The following PLEKHM2 variants were observed in gnomAD, a reference collection of about 807,000 sequenced individuals.
The protein encoded by PLEKHM2 is pleckstrin homology and RUN domain containing M2.
A neutral mutation model predicts 116.3 loss-of-function variants in PLEKHM2; 77 were observed. The observed-to-expected ratio is 0.66, with a 90% CI of 0.55 to 0.80. PLEKHM2 has a LOEUF of 0.80. Ranked by LOEUF, PLEKHM2 falls within the 30% of genes least tolerant of loss-of-function variation. The probability of loss-of-function intolerance (pLI) is 0.00; values close to 1 mark genes in which losing one functional copy is unlikely to be tolerated. For missense variants in PLEKHM2, 1,183 were observed against 1,354.9 expected, an observed-to-expected ratio of 0.87 and a Z score of 1.99; for synonymous variants, 562 against 571.0, an observed-to-expected ratio of 0.98 and a Z score of 0.22.
intron 1 of PLEKHM2, among the ~76,000 whole-genome samples, chr1:15,713,432 T>C (rs933393736): frequency 4.6e-5 from 7 of 152,178 alleles, no homozygotes; most frequent in African/African-American, 7.2e-5. Flanking sequence ...AATGAACAAA[T>C]GTTTTCAGAA....
At chr1:15,698,619 C>T (rs1007446403) in intron 1 of PLEKHM2, among the ~76,000 whole-genome samples, 2 of 147,556 alleles carry the variant, frequency 1.4e-5, no homozygotes, top group Non-Finnish European at 3.0e-5. Flanking sequence ...GCAATCTTGG[C>T]TCACTGTAAC....
chr1:15,726,919 G>C, intron 8 of PLEKHM2, 95 bp from the exon 9 acceptor site: 2 of 773,020 alleles, frequency 2.6e-6, no homozygotes, highest in Non-Finnish European at 4.0e-6. Flanking sequence ...GCCCTCAGAG[G>C]CTACATGGCC....
chr1:15,729,817 A>G lies in PLEKHM2; in HGVS notation c.2096A>G (p.Lys699Arg), dbSNP rs199801366. ...ALAEFFLASL[K>R]SAMIKGCREP... ...TGCAGGTTCTTTTTGGCTTCTTTGAAGTCAGCCATGATCAAAGGCTGTCGA... is the reference window on the plus strand; with the variant it reads ...TGCAGGTTCTTTTTGGCTTCTTTGAGGTCAGCCATGATCAAAGGCTGTCGA... The change falls in exon 14 of 20, where the codon AAG becomes AGG. Residue 699 changes from lysine (K) to arginine (R), a missense_variant. Coordinates refer to ENST00000375799, the MANE Select transcript of PLEKHM2 (RefSeq NM_015164.4). This position sits in a 1 kb window ranked among gnomAD's most constrained non-coding sequence, Gnocchi z 4.7. 1.2e-5 allele frequency: 19 copies of G among 1,612,686 alleles called. No homozygotes were observed. In the East Asian group the frequency reaches 4.2e-4, roughly 36 times the overall value.
intron 8 of PLEKHM2, among the ~76,000 whole-genome samples, chr1:15,726,136 T>C (rs2068061450): frequency 6.6e-6 from 1 of 152,214 alleles, no homozygotes; most frequent in South Asian, 2.1e-4. Flanking sequence ...CCAGGGCGTT[T>C]GCTGGGTCTG....
chr1:15,725,902 C>T (rs2068058489), intron 8 of PLEKHM2: 2 of 295,476 alleles, frequency 6.8e-6, no homozygotes, highest in South Asian at 4.3e-5. Context: ...GGAGAGAGAG[C>T]TCTCTAGGGT....
chr1:15,683,469 G>C (rs796392451), upstream of PLEKHM2, among the ~76,000 whole-genome samples: 13 of 152,058 alleles, frequency 8.5e-5, no homozygotes, highest in African/African-American at 3.1e-4. Flanking sequence ...CCCAGGGTCT[G>C]TGGGTGTCTC....
chr1:15,686,794 G>A (rs1179178785), intron 1 of PLEKHM2, among the ~76,000 whole-genome samples: 1 of 151,316 alleles, frequency 6.6e-6, no homozygotes, highest in African/African-American at 2.4e-5. Context: ...GACTATAAGC[G>A]CCGGCCACCA....
intron 1 of PLEKHM2, among the ~76,000 whole-genome samples, chr1:15,701,197 C>T (rs529774344): frequency 1.1e-4 from 16 of 150,892 alleles, no homozygotes; most frequent in Admixed American, 4.0e-4. Flanking sequence ...TTGGTGAGGC[C>T]GAGGTAGGTG....
intron 1 of PLEKHM2, among the ~76,000 whole-genome samples, chr1:15,687,498 T>C (rs879685984): frequency 1.3e-5 from 2 of 152,212 alleles, no homozygotes; most frequent in African/African-American, 2.4e-5. Flanking sequence ...GCATGGATCC[T>C]GGCCCAGTCT....
At position 15,721,220 on chromosome 1, in the gene PLEKHM2, C is replaced by A; in HGVS notation, c.653-109C>A. On this transcript the variant is annotated intron_variant, in intron 6 of 19. Transcript: ENST00000375799. This position sits in a 1 kb window ranked among gnomAD's most constrained non-coding sequence, Gnocchi z 5.1. ...TACAATGTAGAAAGTTGAAGTTTTC[C>A]TCTCCTATTTTCTCCCCATGTCTCC... 1.4e-6 allele frequency: 1 copy of A among 720,014 alleles called. No individual in the cohort carries two copies. The allele number at this position is 720,014 out of a possible 1,614,324, so 44.6% of individuals were successfully genotyped here.
rs116565708 is a variant in PLEKHM2, at chr1:15,731,198, G to T, written c.2406G>T (p.Gly802=). 257 of 1,596,946 alleles carry T rather than the reference G, an allele frequency of 1.6e-4. 1 individual carries two copies. In the African/African-American group the frequency reaches 3.1e-3, roughly 20 times the overall value. The stretch of plus-strand genomic sequence containing the variant: ...CTGTGTTGTGCCCCTGCAGCAACGG[G>T]ATCCTCTACCAGTACCCGGACCGCA... ...WKTCFVVLSN[G]ILYQYPDRTD... is the part of the protein sequence containing the mutation. Residue 802 remains glycine, a synonymous_variant, in exon 16 of 20, where the codon GGG becomes GGT. Transcript: ENST00000375799.
intron 19 of PLEKHM2, among the ~76,000 whole-genome samples, chr1:15,732,957 C>T (rs762165099): frequency 6.6e-6 from 1 of 152,260 alleles, no homozygotes; most frequent in South Asian, 2.1e-4. Flanking sequence ...TGCGCACAAG[C>T]CTGCCAGGCT....
At position 15,733,808 on chromosome 1, in the gene PLEKHM2, C is replaced by T. The variant is rs750993585; in HGVS notation, c.2934C>T (p.Pro978=). 11 of 1,613,008 alleles carry T rather than the reference C, an allele frequency of 6.8e-6. No homozygotes were observed. The highest frequency in any genetic ancestry group is 9.3e-6 in the Non-Finnish European group (11 of 1,179,764). ...GWKTIYQVDL[P]HTAIQEASNK... ...ACGCCCCAACACAGGTGGACCTCCC[C>T]CACACGGCGATCCAGGAAGCCTCCA... The change falls in exon 20 of 20, where the codon CCC becomes CCT. Residue 978 remains proline, a synonymous_variant. Transcript: ENST00000375799.
At position 15,732,507 on chromosome 1, in the gene PLEKHM2, C is replaced by T. The variant is rs1290176281; in HGVS notation, c.2783C>T (p.Pro928Leu). The T allele has an allele frequency of 6.8e-6, 11 of 1,609,494 alleles. No individual in the cohort carries two copies. The highest frequency in any genetic ancestry group is 1.1e-5 in the South Asian group (1 of 90,218). Reference protein sequence around the residue: ...LGDISAVSTEPGKEYCVLEFS... With the variant: ...LGDISAVSTELGKEYCVLEFS... ...GACATCAGCGCCGTCTCCACCGAGC[C>T]GGGCAAGGAGTACTGCGTCTTGGTG... Residue 928 changes from proline to leucine, a missense_variant, in exon 18 of 20, where the codon CCG becomes CTG. Pro to Leu is a moderately conservative substitution (Grantham distance 98). Transcript: ENST00000375799.
rs1368289670 is a variant in PLEKHM2, at chr1:15,734,726, T to C, written c.*792T>C. ...CTCCTGGGGAAGGGGTCAGGTGGTT[T>C]GGGTTTTGTTTTTTAAAATAAAATA... On this transcript the variant is annotated 3_prime_UTR_variant, in exon 20 of 20. Coordinates refer to ENST00000375799, the MANE Select transcript of PLEKHM2 (RefSeq NM_015164.4). 1.3e-5 allele frequency: 2 copies of C among 152,126 alleles called. No individual in the cohort carries two copies. The highest frequency in any genetic ancestry group is 4.8e-5 in the African/African-American group (2 of 41,428). The allele number at this position is 152,126 out of a possible 1,614,324, so 9.4% of individuals were successfully genotyped here.
rs1433531789 is a variant in PLEKHM2, at chr1:15,734,565, A to AG, written c.*632dup. The AG allele has an allele frequency of 6.6e-6, 1 of 152,348 alleles. No homozygotes were observed. Among genetic ancestry groups the AG allele is most frequent in the East Asian group, 1.9e-4 (1 of 5,142 alleles). The allele number at this position is 152,348 out of a possible 1,614,324, so 9.4% of individuals were successfully genotyped here. A position where few individuals can be genotyped will look rare whatever the true frequency, so the allele number is the denominator to read the frequency against. On this transcript the variant is annotated 3_prime_UTR_variant, in exon 20 of 20. Coordinates refer to ENST00000375799, the MANE Select transcript of PLEKHM2 (RefSeq NM_015164.4). ...GTCCCCTCAACCCGGCAGTGCCTGT[A>AG]GCACCGAGGAGCAAAGGGGGTGGAT...
Position 15,729,418 on chromosome 1 carries a change from G to T in PLEKHM2, c.2075+228G>T, listed in dbSNP as rs934168309. Among the ~76,000 whole-genome samples, 1 of 152,150 alleles carries T rather than the reference G, an allele frequency of 6.6e-6. No individual in the cohort carries two copies. Among genetic ancestry groups the T allele is most frequent in the African/African-American group, 2.4e-5 (1 of 41,432 alleles). On this transcript the variant is annotated intron_variant, in intron 13 of 19. Transcript: ENST00000375799. This position sits in a 1 kb window ranked among gnomAD's most constrained non-coding sequence, Gnocchi z 4.7. Reference sequence around the variant, plus strand: ...ACCTCAGCCCCTGGCGACTCTTGGGGGTGCTAGCATGAGTTGTTGGACAGG... The same window carrying T: ...ACCTCAGCCCCTGGCGACTCTTGGGTGTGCTAGCATGAGTTGTTGGACAGG...
chr1:15,732,300 C>T, intron 17 of PLEKHM2, 50 bp from the exon 18 acceptor site: 1 of 1,447,644 alleles, frequency 6.9e-7, no homozygotes, highest in Admixed American at 2.1e-5. Context: ...ACTTCTGGTG[C>T]AGACCAGCCC....
intron 1 of PLEKHM2, among the ~76,000 whole-genome samples, chr1:15,711,485 A>C (rs1252807222): frequency 2.6e-5 from 4 of 151,930 alleles, no homozygotes; most frequent in Non-Finnish European, 4.4e-5. Context: ...GGTGTGGTCG[A>C]AGGTGCCTGT....
Sources: gnomAD v4.1 joint callset for allele counts (sites outside exome capture counted in the v4.1 genomes callset) on GRCh38, gnomAD v4.1.1 for gene constraint, Gnocchi (gnomAD v3.1) non-coding constraint, MANE v1.5 for transcripts, NCBI Gene and HGNC (gene_info 2026-07-23, HGNC 2026-07-21) for gene names.